S100A3: variants seen among roughly 807,000 people sequenced by gnomAD.
S100A3 encodes the protein S100 calcium binding protein A3.
A neutral mutation model predicts 8.0 loss-of-function variants in S100A3; 11 were observed. The observed-to-expected ratio is 1.37, with a 90% CI of 0.86 to 2.27. The LOEUF (loss-of-function observed/expected upper bound fraction) is 2.27, where lower values mean the gene tolerates loss of function less well. Ranked by LOEUF, S100A3 falls within the 30% of genes most tolerant of loss-of-function variation. The pLI, the probability that S100A3 is intolerant of heterozygous loss-of-function variation, is 0.00. For synonymous variants in S100A3, 43 were observed against 49.6 expected, an observed-to-expected ratio of 0.87 and a Z score of 0.56; for missense variants, 124 against 127.1, an observed-to-expected ratio of 0.98 and a Z score of 0.12.
rs1052786052 is a variant in S100A3 at position 153,547,396 on chromosome 1, C to G, written c.*286G>C. 2.5e-6 allele frequency: 1 copy of G among 399,746 alleles called. No individual in the cohort carries two copies. The highest frequency in any genetic ancestry group is 4.5e-6 in the Non-Finnish European group (1 of 221,434). The allele number at this position is 399,746 out of a possible 1,614,324, so 24.8% of individuals were successfully genotyped here. On this transcript the variant is annotated 3_prime_UTR_variant, in exon 3 of 3. Transcript: ENST00000368713. This position sits in a 1 kb window ranked among gnomAD's most constrained non-coding sequence, Gnocchi z 4.0. ...CATCGTGGTCTCATTGGTGCACGCT[C>G]TGCTGAGCCTCGAGGGCCTCAGAGC... is the stretch of plus-strand genomic sequence containing the variant.
chr1:153,548,541 C>T (rs1665642008), intron 1 of S100A3, 51 bp from the exon 2 acceptor site: 3 of 1,530,630 alleles, frequency 2.0e-6, no homozygotes, highest in African/African-American at 2.7e-5. Context: ...GCCAGCCCCC[C>T]AGCTCACCTC....
intron 2 of S100A3, 60 bp downstream of exon 2, chr1:153,548,285 G>A (rs1215824408): frequency 1.2e-6 from 2 of 1,602,274 alleles, no homozygotes; most frequent in African/African-American, 1.3e-5. Flanking sequence ...GTCTCTCTTT[G>A]CAGAGTCTAG....
At position 153,548,352 on chromosome 1, in the gene S100A3, C is replaced by G. The variant is rs1010053621; in HGVS notation, c.134G>C (p.Trp45Ser). The G allele has an allele frequency of 1.9e-6, 3 of 1,613,730 alleles. No homozygotes were observed. The highest frequency in any genetic ancestry group is 2.5e-6 in the Non-Finnish European group (3 of 1,179,980). Residue 45 changes from tryptophan to serine, a missense_variant, in exon 2 of 3, where the codon TGG (tryptophan) becomes TCG (serine). Physicochemically the swap from Trp to Ser is radical, Grantham distance 177. Transcript: ENST00000368713. ...GACACTCTGACTGCTCACCGGGGTC[C>G]AGGTGGCCAGCTCCTTCTGCAGCAG... Reference protein sequence around the residue: ...KELLQKELATWTPTEFRECDY... With the variant: ...KELLQKELATSTPTEFRECDY...
rs757890734 is a variant in S100A3 at position 153,547,666 on chromosome 1, C to G, written c.*16G>C. 1.2e-6 allele frequency: 2 copies of G among 1,611,342 alleles called. No homozygotes were observed. Among genetic ancestry groups the G allele is most frequent in the African/African-American group, 2.7e-5 (2 of 74,848 alleles). On this transcript the variant is annotated 3_prime_UTR_variant, in exon 3 of 3. Transcript: ENST00000368713. This position sits in a 1 kb window ranked among gnomAD's most constrained non-coding sequence, Gnocchi z 4.0. ...TGCCCAGCCCCCGACAGCCAGCGCA[C>G]CCCCTGGAGCAGAGGCTACTGGGAG... is the stretch of plus-strand genomic sequence containing the variant.
chr1:153,548,554 C>G, intron 1 of S100A3, 64 bp from the exon 2 acceptor site: 2 of 1,515,278 alleles, frequency 1.3e-6, no homozygotes, highest in South Asian at 1.3e-5. Flanking sequence ...CTCACCTCTG[C>G]CCTCTGTGTT....
At chr1:153,548,272 C>A in intron 2 of S100A3, 73 bp downstream of exon 2, 1 of 1,588,890 alleles carries the variant, frequency 6.3e-7, no homozygotes. Flanking sequence ...TTGTTGTCCC[C>A]AGGTCTCTCT....
Position 153,548,450 on chromosome 1 carries a change from G to C in S100A3, c.36C>G (p.Ile12Met). Residue 12 changes from isoleucine to methionine, a missense_variant, in exon 2 of 3, where the codon ATC becomes ATG. Coordinates refer to ENST00000368713, the MANE Select transcript of S100A3 (RefSeq NM_002960.2). The stretch of plus-strand genomic sequence containing the variant: ...CTGCGTATTCCTGGAAGGTGCACAC[G>C]ATGGCAGCTACCGCCTGCTCCAGAG... ...ARPLEQAVAA[I>M]VCTFQEYAGR... The C allele has an allele frequency of 6.2e-7, 1 of 1,608,728 alleles. No homozygotes were observed. Among genetic ancestry groups the C allele is most frequent in the East Asian group, 2.2e-5 (1 of 44,720 alleles).
chr1:153,548,347 G>C lies in S100A3; in HGVS notation c.139C>G (p.Pro47Ala), dbSNP rs1015397417. ...GGACGGACACTCTGACTGCTCACCG[G>C]GGTCCAGGTGGCCAGCTCCTTCTGC... Reference protein sequence around the residue: ...LLQKELATWTPTEFRECDYNK... With the variant: ...LLQKELATWTATEFRECDYNK... The change falls in exon 2 of 3, where the codon CCG becomes GCG. Residue 47 changes from proline (P) to alanine (A), a missense_variant and splice_region_variant. Physicochemically the swap from Pro to Ala is conservative, Grantham distance 27. Transcript: ENST00000368713. 15 of 1,613,544 alleles carry C rather than the reference G, an allele frequency of 9.3e-6. No homozygotes were observed. Among genetic ancestry groups the C allele is most frequent in the Non-Finnish European group, 1.1e-5 (13 of 1,179,966 alleles).
At position 153,547,339 on chromosome 1, in the gene S100A3, G is replaced by A; in HGVS notation, c.*343C>T. 4.7e-6 allele frequency: 1 copy of A among 214,146 alleles called. No homozygotes were observed. The highest frequency in any genetic ancestry group is 9.2e-6 in the Non-Finnish European group (1 of 108,556). 13.3% of individuals were successfully genotyped at this position (214,146 alleles called of 1,614,324 possible). On this transcript the variant is annotated 3_prime_UTR_variant, in exon 3 of 3. Transcript: ENST00000368713. The surrounding 1 kb of genome is among the most constrained non-coding windows in gnomAD (Gnocchi z 4.0). The stretch of plus-strand genomic sequence containing the variant: ...ACCAAACAAAACCAAGCTGATGCCA[G>A]TTTTTTATTAGGAGTTAAATAGGCC...
At position 153,547,696 on chromosome 1, in the gene S100A3, G is replaced by T. The variant is rs532444105; in HGVS notation, c.292C>A (p.Pro98Thr). The T allele has an allele frequency of 1.9e-6, 3 of 1,613,886 alleles. No homozygotes were observed. The highest frequency in any genetic ancestry group is 4.5e-5 in the East Asian group (2 of 44,874). ...EYFKDCPSEPPCSQ is the reference protein window; with the variant it reads ...EYFKDCPSEPTCSQ ...TGGAGCAGAGGCTACTGGGAGCAGGGGGGCTCTGAGGGGCAGTCCTTGAAG... is the reference window on the plus strand; with the variant it reads ...TGGAGCAGAGGCTACTGGGAGCAGGTGGGCTCTGAGGGGCAGTCCTTGAAG... Residue 98 changes from proline to threonine, a missense_variant, in exon 3 of 3, where the codon CCC becomes ACC. Pro to Thr is a conservative substitution (Grantham distance 38). Transcript: ENST00000368713. This position sits in a 1 kb window ranked among gnomAD's most constrained non-coding sequence, Gnocchi z 4.0.
In S100A3 at chr1:153,548,433, T is replaced by G. The variant is rs1169398874; in HGVS notation, c.53A>C (p.Glu18Ala). The G allele has an allele frequency of 4.3e-6, 7 of 1,612,592 alleles. No individual in the cohort carries two copies. The highest frequency in any genetic ancestry group is 5.9e-6 in the Non-Finnish European group (7 of 1,179,158). Residue 18 changes from glutamate (E) to alanine (A), a missense_variant, in exon 2 of 3, where the codon GAA becomes GCA. Coordinates refer to ENST00000368713, the MANE Select transcript of S100A3 (RefSeq NM_002960.2). ...TTTGTCCCCACAGCGCCCTGCGTATTCCTGGAAGGTGCACACGATGGCAGC... is the reference window on the plus strand; with the variant it reads ...TTTGTCCCCACAGCGCCCTGCGTATGCCTGGAAGGTGCACACGATGGCAGC... ...AVAAIVCTFQ[E>A]YAGRCGDKYK... is the part of the protein sequence containing the mutation.
In S100A3 at chr1:153,547,378, G is replaced by T. The variant is rs975076359; in HGVS notation, c.*304C>A. The stretch of plus-strand genomic sequence containing the variant: ...GTTAAATAGGCCCTTTCCCATCGTG[G>T]TCTCATTGGTGCACGCTCTGCTGAG... On this transcript the variant is annotated 3_prime_UTR_variant, in exon 3 of 3. Coordinates refer to ENST00000368713, the MANE Select transcript of S100A3 (RefSeq NM_002960.2). This position sits in a 1 kb window ranked among gnomAD's most constrained non-coding sequence, Gnocchi z 4.0. The T allele has an allele frequency of 4.2e-5, 14 of 329,446 alleles. No individual in the cohort carries two copies. The highest frequency in any genetic ancestry group is 6.3e-5 in the African/African-American group (3 of 47,550). 20.4% of individuals were successfully genotyped at this position (329,446 alleles called of 1,614,324 possible).
At chr1:153,548,181 G>A (rs1291880162) in intron 2 of S100A3, among the ~76,000 whole-genome samples, 164 bp downstream of exon 2, 1 of 152,128 alleles carries the variant, frequency 6.6e-6, no homozygotes, top group East Asian at 1.9e-4. Context: ...TGAGGAAGCT[G>A]AGGTTTCTGC....
In S100A3 at chr1:153,548,476, G is replaced by A. The variant is rs540342618; in HGVS notation, c.10C>T (p.Pro4Ser). The A allele has an allele frequency of 6.3e-7, 1 of 1,591,370 alleles. No homozygotes were observed. Among genetic ancestry groups the A allele is most frequent in the Non-Finnish European group, 8.6e-7 (1 of 1,165,980 alleles). The stretch of plus-strand genomic sequence containing the variant: ...ATGGCAGCTACCGCCTGCTCCAGAG[G>A]CCTGGCCATCCTCACTGTCACAGAA... MAR[P>S]LEQAVAAIVC... The change falls in exon 2 of 3, where the codon CCT becomes TCT. Residue 4 changes from proline (P) to serine (S), a missense_variant. Coordinates refer to ENST00000368713, the MANE Select transcript of S100A3 (RefSeq NM_002960.2).
intron 1 of S100A3, 145 bp from the exon 2 acceptor site, chr1:153,548,635 G>A: frequency 9.5e-7 from 1 of 1,058,158 alleles, no homozygotes; most frequent in Non-Finnish European, 1.3e-6. Flanking sequence ...CCCCTCCTCT[G>A]AGTAGCCCTC....
intron 2 of S100A3, 41 bp downstream of exon 2, chr1:153,548,304 T>C: frequency 6.2e-7 from 1 of 1,609,408 alleles, no homozygotes. Flanking sequence ...AGGCAGTGCC[T>C]CCCCCCGGAG....
intron 1 of S100A3, 85 bp from the exon 2 acceptor site, chr1:153,548,575 T>C: frequency 2.7e-6 from 4 of 1,492,876 alleles, no homozygotes; most frequent in Non-Finnish European, 3.6e-6. Context: ...TCTCAGAGAC[T>C]GTTCCCAGAC....
chr1:153,549,123 A>G (rs1557894737), intron 1 of S100A3, 58 bp downstream of exon 1: 1 of 152,536 alleles, frequency 6.6e-6, no homozygotes. Flanking sequence ...TTGGTGAGCC[A>G]TTTGTCTCTC....
At position 153,547,884 on chromosome 1, in the gene S100A3, G is replaced by T; in HGVS notation, c.142-38C>A. ...AGGGTTGGGAGAGGTAAGGGAGTAG[G>T]ATGAGGAGGGCAGAACAGCCTCACA... On this transcript the variant is annotated intron_variant, in intron 2 of 2. Transcript: ENST00000368713. This position sits in a 1 kb window ranked among gnomAD's most constrained non-coding sequence, Gnocchi z 4.0. 1 of 1,592,770 alleles carries T rather than the reference G, an allele frequency of 6.3e-7. No individual in the cohort carries two copies. Among genetic ancestry groups the T allele is most frequent in the Non-Finnish European group, 8.6e-7 (1 of 1,165,102 alleles).
Sources: gnomAD v4.1 joint callset for allele counts (sites outside exome capture counted in the v4.1 genomes callset) on GRCh38, gnomAD v4.1.1 for gene constraint, Gnocchi (gnomAD v3.1) non-coding constraint, MANE v1.5 for transcripts, NCBI Gene and HGNC (gene_info 2026-07-23, HGNC 2026-07-21) for gene names.